NUSAP1: variants seen among roughly 807,000 people sequenced by gnomAD.
NUSAP1 encodes the protein nucleolar and spindle-associated protein 1.
Under a neutral mutation model 52.8 loss-of-function variants are expected in NUSAP1, and 32 were observed. The observed-to-expected ratio is 0.61, with a 90% CI of 0.46 to 0.81. The LOEUF (loss-of-function observed/expected upper bound fraction) is 0.81, where lower values mean the gene tolerates loss of function less well. Ranked by LOEUF, NUSAP1 falls within the 40% of genes least tolerant of loss-of-function variation. The pLI, the probability that NUSAP1 is intolerant of heterozygous loss-of-function variation, is 0.00. For synonymous variants in NUSAP1, 195 were observed against 183.1 expected, an observed-to-expected ratio of 1.06 and a Z score of -0.52; for missense variants, 499 against 522.3, an observed-to-expected ratio of 0.96 and a Z score of 0.43.
At chr15:41,359,695 A>G (rs1475417702) in intron 6 of NUSAP1, among the ~76,000 whole-genome samples, 2 of 151,282 alleles carry the variant, frequency 1.3e-5, no homozygotes, top group East Asian at 1.9e-4. Flanking sequence ...GCAATGGTAC[A>G]GTCTCAGCTC....
intron 4 of NUSAP1, among the ~76,000 whole-genome samples, chr15:41,355,196 CAG>C (rs796714551): frequency 1.3e-5 from 2 of 150,716 alleles, no homozygotes; most frequent in African/African-American, 4.9e-5. Context: ...TTTTTTGAGA[CAG>C]AGTCTCGCTT....
At chr15:41,359,465 C>A (rs1051006260) in intron 6 of NUSAP1, among the ~76,000 whole-genome samples, 1 of 152,104 alleles carries the variant, frequency 6.6e-6, no homozygotes, top group Admixed American at 6.6e-5. Context: ...ATCAGTCACT[C>A]AGCTGAGTTT....
intron 4 of NUSAP1, among the ~76,000 whole-genome samples, chr15:41,353,649 AATAATT>A (rs1303170977): frequency 6.6e-6 from 1 of 152,250 alleles, no homozygotes; most frequent in Admixed American, 6.5e-5. Context: ...AAAAGAAAAA[AATAATT>A]AAAAAGAGAT....
intron 1 of NUSAP1, among the ~76,000 whole-genome samples, chr15:41,339,411 CTTT>C (rs910899570): frequency 1.1e-4 from 15 of 132,540 alleles, no homozygotes; most frequent in African/African-American, 1.9e-4. Flanking sequence ...TTCGACTTTT[CTTT>C]TTTTTTTTTT....
intron 3 of NUSAP1, 49 bp from the exon 4 acceptor site, chr15:41,350,939 C>A (rs2048754595): frequency 2.7e-6 from 4 of 1,497,722 alleles, no homozygotes; most frequent in East Asian, 2.3e-5. Flanking sequence ...TGGAAGGCAG[C>A]AATTCTTATT....
rs569663951 is a variant in NUSAP1, at chr15:41,377,157, A to T, written c.1124-39A>T. On this transcript the variant is annotated intron_variant, in intron 9 of 10. Coordinates refer to ENST00000559596, the MANE Select transcript of NUSAP1 (RefSeq NM_016359.5). ...GAATGAAGTTGGGAATATAAATCAA[A>T]CAATCTTTTTAAAATTCTTTGTCTC... The T allele has an allele frequency of 2.8e-6, 3 of 1,065,048 alleles. No individual in the cohort carries two copies. In the East Asian group the frequency reaches 7.9e-5, roughly 28 times the overall value. 66.0% of individuals were successfully genotyped at this position (1,065,048 alleles called of 1,614,324 possible).
chr15:41,348,556 A>C lies in NUSAP1; in HGVS notation c.163-542A>C, dbSNP rs549240680. Among the ~76,000 whole-genome samples, 8 of 152,258 alleles carry C rather than the reference A, an allele frequency of 5.3e-5. No homozygotes were observed. The South Asian group carries it at 1.7e-3, about 32-fold the overall frequency. ...TTTATTCACACTAAAATAACTTTGA[A>C]TACTTTACTACCCTAATTTATTAAT... On this transcript the variant is annotated intron_variant, in intron 2 of 10. Transcript: ENST00000559596.
At chr15:41,374,357 C>T (rs1276648504) in intron 8 of NUSAP1, among the ~76,000 whole-genome samples, 5 of 152,084 alleles carry the variant, frequency 3.3e-5, no homozygotes, top group African/African-American at 1.2e-4. Context: ...TTGTTGTATG[C>T]TCATGTGGCA....
intron 7 of NUSAP1, among the ~76,000 whole-genome samples, chr15:41,368,725 A>ATTTTTTTTTTT (rs2049523565): frequency 1.0e-5 from 1 of 100,118 alleles, no homozygotes; most frequent in Non-Finnish European, 2.1e-5. Context: ...TTTTTATTTT[A>ATTTTTTTTTTT]TTCTTTTTTT....
intron 2 of NUSAP1, among the ~76,000 whole-genome samples, chr15:41,345,048 G>A (rs1283078303): frequency 6.6e-6 from 1 of 152,118 alleles, no homozygotes; most frequent in Non-Finnish European, 1.5e-5. Flanking sequence ...AACCCAGGCT[G>A]GAGTGCAGTG....
chr15:41,340,693 A>C (rs1397130689), intron 1 of NUSAP1, among the ~76,000 whole-genome samples: 2 of 152,160 alleles, frequency 1.3e-5, no homozygotes, highest in Non-Finnish European at 2.9e-5. Context: ...TATTAGAAAA[A>C]TCAAGAATGC....
intron 1 of NUSAP1, among the ~76,000 whole-genome samples, chr15:41,339,772 T>C (rs1373516001): frequency 6.6e-6 from 1 of 151,754 alleles, no homozygotes; most frequent in Non-Finnish European, 1.5e-5. Context: ...AAGAAATTAA[T>C]TTTTTTTCTA....
chr15:41,342,393 AGTT>A lies in NUSAP1; in HGVS notation c.105_107del (p.Leu36del). On this transcript the variant is annotated inframe_deletion, in exon 2 of 11. Coordinates refer to ENST00000559596, the MANE Select transcript of NUSAP1 (RefSeq NM_016359.5). ...ATAAGGTCTCTCTTGCAGGCAACCA[AGTT>A]GTTAAAAGCCTTGAAAGGCTACATT... The A allele has an allele frequency of 1.3e-6, 2 of 1,589,700 alleles. No homozygotes were observed. Among genetic ancestry groups the A allele is most frequent in the Non-Finnish European group, 1.7e-6 (2 of 1,166,070 alleles).
At chr15:41,355,218 G>C (rs1456332950) in intron 4 of NUSAP1, among the ~76,000 whole-genome samples, 1 of 151,368 alleles carries the variant, frequency 6.6e-6, no homozygotes, top group African/African-American at 2.4e-5. Flanking sequence ...TTGTTGCCAG[G>C]CTGGAGTAGA....
intron 1 of NUSAP1, among the ~76,000 whole-genome samples, chr15:41,336,999 CTTTTTTTTTTTTT>C (rs201223527): frequency 4.6e-5 from 3 of 65,794 alleles, no homozygotes; most frequent in South Asian, 1.2e-3. Flanking sequence ...CTTTCCTTTT[CTTTTTTTTTTTTT>C]TTTTTTTTTT....
chr15:41,368,512 A>G (rs527941533), intron 7 of NUSAP1, among the ~76,000 whole-genome samples: 1 of 152,246 alleles, frequency 6.6e-6, no homozygotes, highest in South Asian at 2.1e-4. Flanking sequence ...CTCATGCCCC[A>G]TTGATCCCTG....
At chr15:41,358,085 AAC>A (rs1209708638) in intron 5 of NUSAP1, 62 bp from the exon 6 acceptor site, 1 of 718,462 alleles carries the variant, frequency 1.4e-6, no homozygotes, top group Non-Finnish European at 2.3e-6. Context: ...TTAACAGAAA[AAC>A]ACAGAGAAGA....
intron 2 of NUSAP1, among the ~76,000 whole-genome samples, chr15:41,345,123 C>T (rs2140568033): frequency 6.6e-6 from 1 of 152,230 alleles, no homozygotes; most frequent in Admixed American, 6.5e-5. Flanking sequence ...CCTCACTCCC[C>T]TGAGTAGCTG....
intron 3 of NUSAP1, among the ~76,000 whole-genome samples, chr15:41,350,374 G>A (rs1300458193): frequency 6.6e-6 from 1 of 152,006 alleles, no homozygotes; most frequent in East Asian, 1.9e-4. Flanking sequence ...GCTAAATACA[G>A]ACATTTGTAA....
Sources: gnomAD v4.1 joint callset for allele counts (sites outside exome capture counted in the v4.1 genomes callset) on GRCh38, gnomAD v4.1.1 for gene constraint, MANE v1.5 for transcripts, NCBI Gene and HGNC (gene_info 2026-07-23, HGNC 2026-07-21) for gene names.